Variants in IL23R observed in about 807,000 individuals in gnomAD.
IL23R encodes the protein interleukin-23 receptor.
Under a neutral mutation model 56.9 loss-of-function variants are expected in IL23R, and 34 were observed. That is an observed-to-expected ratio of 0.60 (90% CI 0.45 to 0.80). The LOEUF is 0.80. Among genes scored for constraint, IL23R ranks in the 30% least tolerant of loss-of-function variants. The probability of loss-of-function intolerance (pLI) is 0.00; values close to 1 mark genes in which losing one functional copy is unlikely to be tolerated. For synonymous variants in IL23R, 230 were observed against 249.2 expected, an observed-to-expected ratio of 0.92 and a Z score of 0.73; for missense variants, 635 against 730.0, an observed-to-expected ratio of 0.87 and a Z score of 1.50.
At position 67,146,977 on chromosome 1, in the gene IL23R, A is replaced by G. The variant is rs1646685234; in HGVS notation, c.-634+7816A>G. Among the ~76,000 whole-genome samples the G allele has an allele frequency of 2.0e-5, 3 of 152,144 alleles. No homozygotes were observed. The South Asian group carries it at 6.2e-4, about 32-fold the overall frequency. ...TGATCTTGTTCTGGTCAATCATAGA[A>G]CTTCAGTTCTCTAGGGAAAGGAATT... On this transcript the variant is annotated intron_variant, in intron 1 of 10. Transcript: ENST00000637002.
intron 9 of IL23R, among the ~76,000 whole-genome samples, chr1:67,241,591 T>A (rs1198094836): frequency 6.6e-6 from 1 of 152,258 alleles, no homozygotes; most frequent in African/African-American, 2.4e-5. Flanking sequence ...TTTGGGTTTC[T>A]GTTCTCAGCA....
intron 3 of IL23R, among the ~76,000 whole-genome samples, chr1:67,176,376 G>A (rs2102567564): frequency 6.6e-6 from 1 of 152,214 alleles, no homozygotes; most frequent in Admixed American, 6.5e-5. Context: ...GAGGTGCTGA[G>A]TACTGATTGG....
At chr1:67,227,539 C>T (rs1426526687) in intron 7 of IL23R, among the ~76,000 whole-genome samples, 1 of 151,878 alleles carries the variant, frequency 6.6e-6, no homozygotes, top group Non-Finnish European at 1.5e-5. Context: ...CTACCAGTGA[C>T]TCCTTGAAGA....
chr1:67,219,133 A>G (rs1381397967), intron 6 of IL23R, among the ~76,000 whole-genome samples: 1 of 152,002 alleles, frequency 6.6e-6, no homozygotes, highest in East Asian at 1.9e-4. Flanking sequence ...TTGGGAGGCC[A>G]AGGTGGGCGG....
chr1:67,182,384 A>G (rs1215015774), intron 3 of IL23R, among the ~76,000 whole-genome samples: 1 of 152,086 alleles, frequency 6.6e-6, no homozygotes, highest in African/African-American at 2.4e-5. Flanking sequence ...TTGATCTCAG[A>G]CTGCTGTGCT....
chr1:67,243,812 T>C, intron 9 of IL23R, among the ~76,000 whole-genome samples: 1 of 152,198 alleles, frequency 6.6e-6, no homozygotes, highest in East Asian at 1.9e-4. Flanking sequence ...TATAATCCTT[T>C]GGGTATATAC....
chr1:67,166,309 G>C (rs1370479885), upstream of IL23R: 1 of 152,308 alleles, frequency 6.6e-6, no homozygotes, highest in Non-Finnish European at 1.5e-5. Context: ...CAGTAATCTG[G>C]ATTTCCCCAA....
At chr1:67,232,638 T>C (rs891627119) in intron 7 of IL23R, among the ~76,000 whole-genome samples, 2 of 152,232 alleles carry the variant, frequency 1.3e-5, no homozygotes, top group African/African-American at 4.8e-5. Context: ...ATTGGGTTGT[T>C]GTGAGGATTA....
rs185171820 is a variant in IL23R, at chr1:67,252,545, G to A, written c.1149-3292G>A. On this transcript the variant is annotated intron_variant, in intron 9 of 10. Coordinates refer to ENST00000347310, the MANE Select transcript of IL23R (RefSeq NM_144701.3). ...AGCTCTGAAATCCAAAAGAGAACTT[G>A]CCATGATCCCCAGCCACTCTGAGAG... Among the ~76,000 whole-genome samples, 254 of 151,010 alleles carry A rather than the reference G, an allele frequency of 1.7e-3. 5 individuals are homozygous for A. Among genetic ancestry groups the A allele is most frequent in the Non-Finnish European group, 6.2e-4 (42 of 67,544 alleles).
Position 67,219,605 on chromosome 1 carries a change from T to G in IL23R, c.830T>G (p.Val277Gly). The change falls in exon 7 of 11, where the codon GTG becomes GGG. Residue 277 changes from valine to glycine, a missense_variant. Physicochemically the swap from Val to Gly is moderately radical, Grantham distance 109. Coordinates refer to ENST00000347310, the MANE Select transcript of IL23R (RefSeq NM_144701.3). ...VKEFDTNFTY[V>G]QQSEFYLEPN... ...GAATTTGACACCAATTTTACATATG[T>G]GCAACAGTCAGAATTCTACTTGGAG... 1.9e-6 allele frequency: 3 copies of G among 1,614,020 alleles called. No individual in the cohort carries two copies. The highest frequency in any genetic ancestry group is 2.5e-6 in the Non-Finnish European group (3 of 1,179,904).
chr1:67,244,972 TC>T (rs1652118283), intron 9 of IL23R, among the ~76,000 whole-genome samples: 1 of 152,214 alleles, frequency 6.6e-6, no homozygotes, highest in South Asian at 2.1e-4. Context: ...TTTGTTTGTG[TC>T]CTCTCTTATT....
chr1:67,254,877 GT>G (rs1230683882), intron 9 of IL23R, among the ~76,000 whole-genome samples: 2 of 152,202 alleles, frequency 1.3e-5, no homozygotes, highest in Non-Finnish European at 2.9e-5. Flanking sequence ...AAAGTGGGAT[GT>G]TTATGACTTC....
chr1:67,262,401 G>A (rs1006098318), downstream of IL23R, among the ~76,000 whole-genome samples: 1 of 152,142 alleles, frequency 6.6e-6, no homozygotes, highest in African/African-American at 2.4e-5. Flanking sequence ...GGTAAAATGG[G>A]ATAATGTGGT....
intron 4 of IL23R, among the ~76,000 whole-genome samples, chr1:67,184,568 T>TAAATAAAATA (rs10555527): frequency 2.8e-4 from 40 of 143,008 alleles, no homozygotes; most frequent in African/African-American, 3.8e-4. Context: ...TAAAATAAAA[T>TAAATAAAATA]AAATAAAATA....
chr1:67,149,292 G>C (rs1412639068), intron 1 of IL23R, among the ~76,000 whole-genome samples: 2 of 152,124 alleles, frequency 1.3e-5, no homozygotes, highest in Non-Finnish European at 2.9e-5. Flanking sequence ...GGAGTTGTTA[G>C]CCTCGTTGGC....
intron 6 of IL23R, among the ~76,000 whole-genome samples, chr1:67,213,310 T>C (rs790633): frequency 0.77 from 117,067 of 152,102 alleles, 45,629 homozygotes; most frequent in East Asian, 0.97. Context: ...CCTGGAATAG[T>C]GTAATTGTTC....
chr1:67,214,321 T>A (rs909833787), intron 6 of IL23R, among the ~76,000 whole-genome samples: 4 of 152,366 alleles, frequency 2.6e-5, no homozygotes, highest in Admixed American at 2.6e-4. Flanking sequence ...TTTAAAGTGA[T>A]GTAGAGTCTG....
At chr1:67,249,890 A>G (rs889772200) in intron 9 of IL23R, among the ~76,000 whole-genome samples, 13 of 152,206 alleles carry the variant, frequency 8.5e-5, no homozygotes, top group African/African-American at 2.7e-4. Context: ...AAAGCAGATC[A>G]GTGCTCTAAG....
intron 3 of IL23R, among the ~76,000 whole-genome samples, chr1:67,176,199 T>C (rs567861744): frequency 3.0e-4 from 46 of 152,226 alleles, no homozygotes; most frequent in South Asian, 1.5e-3. Context: ...TGAAGAATAA[T>C]AGGCTCTTTA....
Sources: gnomAD v4.1 joint callset for allele counts (sites outside exome capture counted in the v4.1 genomes callset) on GRCh38, gnomAD v4.1.1 for gene constraint, MANE v1.5 for transcripts, NCBI Gene and HGNC (gene_info 2026-07-23, HGNC 2026-07-21) for gene names.